CHRNA4: variants seen among roughly 807,000 people sequenced by gnomAD.
The protein encoded by CHRNA4 is cholinergic receptor nicotinic alpha 4 subunit.
In CHRNA4, 28 loss-of-function variants were observed where a neutral mutation model predicts 48.9. That is an observed-to-expected ratio of 0.57 (90% CI 0.42 to 0.79). The LOEUF (loss-of-function observed/expected upper bound fraction) is 0.79. CHRNA4 is among the 30% of genes least tolerant of loss of function. CHRNA4 has a pLI of 0.00. For synonymous variants in CHRNA4, 425 were observed against 402.3 expected (o/e 1.06, Z -0.68); for missense variants, 859 against 898.4 (o/e 0.96, Z 0.56).
In CHRNA4 at chr20:63,344,346, C is replaced by G. The variant is rs1361795714; in HGVS notation, c.*2392G>C. 4.4e-6 allele frequency: 2 copies of G among 453,928 alleles called. No homozygotes were observed. Among genetic ancestry groups the G allele is most frequent in the Admixed American group, 4.7e-5 (2 of 42,556 alleles). The allele number at this position is 453,928 out of a possible 1,614,324, so 28.1% of individuals were successfully genotyped here. On this transcript the variant is annotated 3_prime_UTR_variant, in exon 6 of 6. Coordinates refer to ENST00000370263, the MANE Select transcript of CHRNA4 (RefSeq NM_000744.7). This position sits in a 1 kb window ranked among gnomAD's most constrained non-coding sequence, Gnocchi z 4.5. Reference sequence around the variant, plus strand: ...TGGAGGGACCTTCTAGGGGCTGGGTCTCCACTGAAGAGCATGCATCTCACC... The same window carrying G: ...TGGAGGGACCTTCTAGGGGCTGGGTGTCCACTGAAGAGCATGCATCTCACC...
Position 63,346,723 on chromosome 20 carries a change from G to A in CHRNA4, c.*15C>T. 6.2e-7 allele frequency: 1 copy of A among 1,602,748 alleles called. No homozygotes were observed. Among genetic ancestry groups the A allele is most frequent in the Non-Finnish European group, 8.5e-7 (1 of 1,177,710 alleles). On this transcript the variant is annotated 3_prime_UTR_variant, in exon 6 of 6. Coordinates refer to ENST00000370263, the MANE Select transcript of CHRNA4 (RefSeq NM_000744.7). ...TGCACGGCAGCCCCAGGCCACGCAG[G>A]CTCCCGGTCCCTTCCTAGATCATGC...
At chr20:63,349,507 T>C in intron 5 of CHRNA4, 146 bp downstream of exon 5, 1 of 1,080,984 alleles carries the variant, frequency 9.3e-7, no homozygotes, top group Non-Finnish European at 1.4e-6. Context: ...GGGAAGAGGC[T>C]GCTGCAGCAG....
intron 4 of CHRNA4, among the ~76,000 whole-genome samples, chr20:63,353,450 G>A (rs1322313215): frequency 1.4e-5 from 2 of 144,694 alleles, no homozygotes; most frequent in Admixed American, 6.8e-5. Flanking sequence ...TGTGGTCCTA[G>A]GGGGCTGTGG....
At position 63,356,353 on chromosome 20, in the gene CHRNA4, C is replaced by A. The variant is rs1367890767; in HGVS notation, c.273+18G>T. The A allele has an allele frequency of 1.9e-6, 3 of 1,577,218 alleles. No individual in the cohort carries two copies. The highest frequency in any genetic ancestry group is 2.6e-6 in the Non-Finnish European group (3 of 1,161,284). ...GGGGGAGGGCAGGGGTGGGGCAGGG[C>A]AGTGCCCTCCCACTCACCTGCTTCA... On this transcript the variant is annotated intron_variant, in intron 3 of 5. Transcript: ENST00000370263.
Position 63,351,041 on chromosome 20 carries a change from G to A in CHRNA4, c.384-14C>T. 1.9e-6 allele frequency: 3 copies of A among 1,609,530 alleles called. No homozygotes were observed. The highest frequency in any genetic ancestry group is 1.7e-6 in the Non-Finnish European group (2 of 1,178,952). On this transcript the variant is annotated splice_polypyrimidine_tract_variant and intron_variant, in intron 4 of 5. Coordinates refer to ENST00000370263, the MANE Select transcript of CHRNA4 (RefSeq NM_000744.7). ...TCCCCGTCAGCACTGGGCAGGAAGA[G>A]AGCGAAGGGTGTGAGACCCCCACAT...
In CHRNA4 at chr20:63,353,110, G is replaced by A. The variant is rs45530832; in HGVS notation, c.384-2083C>T. On this transcript the variant is annotated intron_variant, in intron 4 of 5. Transcript: ENST00000370263. ...CCCCTCCACCCCGACCCCAGTCCAG[G>A]TCAGGGATTTCTGGGCACCTGCCCC... is the stretch of plus-strand genomic sequence containing the variant. Among the ~76,000 whole-genome samples the A allele has an allele frequency of 2.6e-5, 4 of 152,308 alleles. No homozygotes were observed. In the East Asian group the frequency reaches 7.7e-4, roughly 29 times the overall value.
At position 63,343,801 on chromosome 20, in the gene CHRNA4, C is replaced by G. The variant is rs1187642292; in HGVS notation, c.*2937G>C. 4.4e-6 allele frequency: 2 copies of G among 454,008 alleles called. No homozygotes were observed. Among genetic ancestry groups the G allele is most frequent in the African/African-American group, 4.0e-5 (2 of 50,020 alleles). The allele number at this position is 454,008 out of a possible 1,614,324, so 28.1% of individuals were successfully genotyped here. A position where few individuals can be genotyped will look rare whatever the true frequency, so the allele number is the denominator to read the frequency against. Reference sequence around the variant, plus strand: ...GAGCTGCAGCAGTGTCTCCCGCTGCCTGGTGCCTGGCACAGGGCGGGGAAA... The same window carrying G: ...GAGCTGCAGCAGTGTCTCCCGCTGCGTGGTGCCTGGCACAGGGCGGGGAAA... On this transcript the variant is annotated 3_prime_UTR_variant, in exon 6 of 6. Transcript: ENST00000370263.
intron 5 of CHRNA4, chr20:63,349,395 C>T: frequency 1.7e-6 from 1 of 586,444 alleles, no homozygotes; most frequent in Non-Finnish European, 3.0e-6. Context: ...CCGAGGCCCA[C>T]TGTGTCCCAA....
rs200176891 is a variant in CHRNA4, at chr20:63,344,785, C to A, written c.*1953G>T. On this transcript the variant is annotated 3_prime_UTR_variant, in exon 6 of 6. Coordinates refer to ENST00000370263, the MANE Select transcript of CHRNA4 (RefSeq NM_000744.7). The surrounding 1 kb of genome is among the most constrained non-coding windows in gnomAD (Gnocchi z 4.5). ...CTTCCATGGCCCCGGGATGACCTCACTCTCCCAGGGTCTCCCTGCGTCCTG... is the reference window on the plus strand; with the variant it reads ...CTTCCATGGCCCCGGGATGACCTCAATCTCCCAGGGTCTCCCTGCGTCCTG... 7.5e-5 allele frequency: 34 copies of A among 453,912 alleles called. No individual in the cohort carries two copies. The highest frequency in any genetic ancestry group is 1.1e-4 in the South Asian group (7 of 64,470). 28.1% of individuals were successfully genotyped at this position (453,912 alleles called of 1,614,324 possible).
intron 4 of CHRNA4, among the ~76,000 whole-genome samples, chr20:63,352,258 G>A (rs954568714): frequency 5.9e-5 from 9 of 152,080 alleles, no homozygotes; most frequent in African/African-American, 1.9e-4. Flanking sequence ...GCCTGCCCCC[G>A]AGTCCCAGGG....
chr20:63,349,203 G>A (rs921768746), intron 5 of CHRNA4, among the ~76,000 whole-genome samples: 2 of 152,102 alleles, frequency 1.3e-5, no homozygotes, highest in African/African-American at 2.4e-5. Context: ...CTACATCCAG[G>A]CCCCAGATAC....
rs1229587280 is a variant in CHRNA4, at chr20:63,343,503, G to C, written c.*3235C>G. The C allele has an allele frequency of 2.2e-6, 1 of 454,174 alleles. No homozygotes were observed. The highest frequency in any genetic ancestry group is 2.3e-5 in the Admixed American group (1 of 42,584). The allele number at this position is 454,174 out of a possible 1,614,324, so 28.1% of individuals were successfully genotyped here. Reference sequence around the variant, plus strand: ...GGACACCTAACCCAGCAGTCCCACAGCAGCTGCGTGCCCTAGAGTGTCCTG... The same window carrying C: ...GGACACCTAACCCAGCAGTCCCACACCAGCTGCGTGCCCTAGAGTGTCCTG... On this transcript the variant is annotated 3_prime_UTR_variant, in exon 6 of 6. Coordinates refer to ENST00000370263, the MANE Select transcript of CHRNA4 (RefSeq NM_000744.7).
rs763234634 is a variant in CHRNA4, at chr20:63,350,668, A to G, written c.743T>C (p.Ile248Thr). ...VIRRLPLFYT[I>T]NLIIPCLLIS... is the part of the protein sequence containing the mutation. Reference sequence around the variant, plus strand: ...GAGCAGGCAGGGGATGATGAGGTTGATGGTGTAGAAGAGCGGCAGCCGCCG... The same window carrying G: ...GAGCAGGCAGGGGATGATGAGGTTGGTGGTGTAGAAGAGCGGCAGCCGCCG... The change falls in exon 5 of 6, where the codon ATC becomes ACC. Residue 248 changes from isoleucine (I) to threonine (T), a missense_variant. Around this residue, in one of 3 missense-constraint regions of CHRNA4, gnomAD observed 342 missense variants for 365.3 expected, o/e 0.94. Coordinates refer to ENST00000370263, the MANE Select transcript of CHRNA4 (RefSeq NM_000744.7). 1.9e-6 allele frequency: 3 copies of G among 1,613,954 alleles called. No individual in the cohort carries two copies. In the Admixed American group the frequency reaches 5.0e-5, roughly 27 times the overall value.
chr20:63,353,846 A>G (rs1371696090), intron 4 of CHRNA4, among the ~76,000 whole-genome samples: 2 of 4,732 alleles, frequency 4.2e-4, no homozygotes, highest in Non-Finnish European at 6.3e-4. Flanking sequence ...GGGGGCTGTG[A>G]CCCTCGGGGG....
chr20:63,355,523 A>C (rs1174953806), intron 4 of CHRNA4: 3 of 1,290,838 alleles, frequency 2.3e-6, no homozygotes, highest in Non-Finnish European at 3.0e-6. Context: ...TGCAGTCCAC[A>C]CTATTCTCCC....
rs538254078 is a variant in CHRNA4, at chr20:63,359,716, G to C, written c.77-17C>G. 1 of 1,609,366 alleles carries C rather than the reference G, an allele frequency of 6.2e-7. No homozygotes were observed. The highest frequency in any genetic ancestry group is 1.3e-5 in the African/African-American group (1 of 74,976). On this transcript the variant is annotated splice_polypyrimidine_tract_variant and intron_variant, in intron 1 of 5. Coordinates refer to ENST00000370263, the MANE Select transcript of CHRNA4 (RefSeq NM_000744.7). The stretch of plus-strand genomic sequence containing the variant: ...GGCTGCTGGCTGCGGGGAGAGGCAG[G>C]CCAGTGGCTCAGGTGCAGGCGGGAC...
chr20:63,359,514 A>G (rs1188642857), intron 2 of CHRNA4, 34 bp downstream of exon 2: 2 of 1,612,054 alleles, frequency 1.2e-6, no homozygotes, highest in East Asian at 4.5e-5. Context: ...GGGCGACCTC[A>G]GTCACAGTGC....
In CHRNA4 at chr20:63,361,253, C is replaced by G. The variant is rs1279270053; in HGVS notation, c.-88G>C. On this transcript the variant is annotated 5_prime_UTR_variant, in exon 1 of 6. Coordinates refer to ENST00000370263, the MANE Select transcript of CHRNA4 (RefSeq NM_000744.7). ...CGTGCGCGCCCAACTTCATGCCTCC[C>G]GCGCCTCGCGGGCCGCTTCGGCCGC... 6 of 1,407,162 alleles carry G rather than the reference C, an allele frequency of 4.3e-6. No homozygotes were observed. The African/African-American group carries it at 7.6e-5, about 18-fold the overall frequency. 87.2% of individuals were successfully genotyped at this position (1,407,162 alleles called of 1,614,324 possible).
At chr20:63,355,849 G>A (rs1353347692) in intron 4 of CHRNA4, 126 bp downstream of exon 4, 3 of 1,313,466 alleles carry the variant, frequency 2.3e-6, no homozygotes, top group South Asian at 1.3e-5. Flanking sequence ...GCATGCATGG[G>A]GCTGGCATAG....
Sources: allele counts gnomAD v4.1 joint callset (sites outside exome capture counted in the v4.1 genomes callset), GRCh38; gene constraint gnomAD v4.1.1; regional missense constraint gnomAD v4.1.1; non-coding constraint Gnocchi (gnomAD v3.1); transcripts MANE v1.5; gene names NCBI Gene and HGNC (gene_info 2026-07-23, HGNC 2026-07-21).